ASCC1: variants seen among roughly 807,000 people sequenced by gnomAD.
ASCC1 encodes activating signal cointegrator 1 complex subunit 1, also known as ASC-1 complex subunit P50.
ASCC1 carries 35 observed loss-of-function variants against 46.6 expected under a neutral mutation model. The observed-to-expected ratio is 0.75, with a 90% CI of 0.57 to 0.99. The LOEUF (loss-of-function observed/expected upper bound fraction) is 0.99. Ranked by LOEUF, ASCC1 falls within the 50% of genes least tolerant of loss-of-function variation. The pLI, the probability that ASCC1 is intolerant of heterozygous loss-of-function variation, is 0.00. For missense variants in ASCC1, 376 were observed against 428.7 expected, an observed-to-expected ratio of 0.88 and a Z score of 1.09; for synonymous variants, 143 against 146.6, an observed-to-expected ratio of 0.98 and a Z score of 0.18.
intron 7 of ASCC1, among the ~76,000 whole-genome samples, chr10:72,150,395 T>A (rs1202300299): frequency 6.6e-6 from 1 of 152,158 alleles, no homozygotes; most frequent in African/African-American, 2.4e-5. Flanking sequence ...GCCTAGAGAA[T>A]CAGATTTTCT....
intron 5 of ASCC1, among the ~76,000 whole-genome samples, chr10:72,180,266 G>A (rs1224494876): frequency 1.3e-5 from 2 of 151,312 alleles, no homozygotes; most frequent in African/African-American, 2.4e-5. Flanking sequence ...GCAACAGAGC[G>A]AGACCCCGTC....
chr10:72,193,279 C>T (rs983076911), intron 5 of ASCC1, among the ~76,000 whole-genome samples: 1 of 152,076 alleles, frequency 6.6e-6, no homozygotes, highest in Non-Finnish European at 1.5e-5. Flanking sequence ...GTAGCATATC[C>T]ATAAAGTAGA....
intron 1 of ASCC1, among the ~76,000 whole-genome samples, chr10:72,215,406 T>C (rs1244217180): frequency 5.3e-5 from 8 of 152,002 alleles, no homozygotes; most frequent in Admixed American, 5.2e-4. Context: ...CTCAAAAAAA[T>C]AAATAAAATA....
At chr10:72,206,296 C>A (rs1004672720) in intron 3 of ASCC1, among the ~76,000 whole-genome samples, 1 of 151,728 alleles carries the variant, frequency 6.6e-6, no homozygotes, top group Non-Finnish European at 1.5e-5. Flanking sequence ...CCCAGCTACT[C>A]GGGAGGCTGA....
chr10:72,204,298 T>C, intron 3 of ASCC1: 1 of 1,072,412 alleles, frequency 9.3e-7, no homozygotes, highest in South Asian at 1.6e-5. Flanking sequence ...AATTAGAATA[T>C]CTGAGGACTC....
intron 9 of ASCC1, among the ~76,000 whole-genome samples, chr10:72,116,439 T>TTAA (rs1395336668): frequency 2.6e-5 from 4 of 152,208 alleles, no homozygotes; most frequent in African/African-American, 9.7e-5. Flanking sequence ...GAGTTCCTGT[T>TTAA]TAAAATTCAT....
intron 8 of ASCC1, among the ~76,000 whole-genome samples, chr10:72,131,355 G>C (rs1034649036): frequency 6.6e-6 from 1 of 151,896 alleles, no homozygotes; most frequent in Non-Finnish European, 1.5e-5. Context: ...GGGGGCGGAG[G>C]TTGCAGTGAG....
intron 7 of ASCC1, among the ~76,000 whole-genome samples, chr10:72,149,318 G>A (rs907121490): frequency 7.9e-5 from 12 of 151,450 alleles, no homozygotes; most frequent in Non-Finnish European, 1.5e-4. Flanking sequence ...GGTGCCTGTA[G>A]TCTCAGCTAC....
intron 6 of ASCC1, among the ~76,000 whole-genome samples, chr10:72,156,320 T>G (rs1001537131): frequency 6.6e-6 from 1 of 152,226 alleles, no homozygotes; most frequent in Admixed American, 6.5e-5. Flanking sequence ...CGAGCATGCT[T>G]CTTGCAATCC....
intron 5 of ASCC1, 100 bp downstream of exon 5, chr10:72,196,711 G>T: frequency 8.2e-7 from 1 of 1,214,448 alleles, no homozygotes; most frequent in Non-Finnish European, 1.2e-6. Flanking sequence ...TTTGGTGGGG[G>T]AAGAAGTTTA....
At chr10:72,190,267 C>A in intron 5 of ASCC1, 1 of 780,450 alleles carries the variant, frequency 1.3e-6, no homozygotes. Flanking sequence ...CTGGATGTCA[C>A]TGTGGAGTTC....
At chr10:72,205,433 C>T (rs1285285661) in intron 3 of ASCC1, among the ~76,000 whole-genome samples, 1 of 152,102 alleles carries the variant, frequency 6.6e-6, no homozygotes, top group African/African-American at 2.4e-5. Flanking sequence ...GAGATCGAGG[C>T]CAGCCTGGCC....
intron 9 of ASCC1, among the ~76,000 whole-genome samples, chr10:72,100,289 C>T (rs1054782858): frequency 6.6e-6 from 1 of 151,344 alleles, no homozygotes; most frequent in Non-Finnish European, 1.5e-5. Context: ...AGTGCAGTGG[C>T]GCGATCTCAG....
In ASCC1 at chr10:72,096,541, T is replaced by C; in HGVS notation, c.*793A>G. The C allele has an allele frequency of 2.2e-6, 1 of 454,072 alleles. No individual in the cohort carries two copies. Among genetic ancestry groups the C allele is most frequent in the Non-Finnish European group, 4.4e-6 (1 of 226,794 alleles). The allele number at this position is 454,072 out of a possible 1,614,324, so 28.1% of individuals were successfully genotyped here. On this transcript the variant is annotated 3_prime_UTR_variant, in exon 10 of 10. Coordinates refer to ENST00000672957, the MANE Select transcript of ASCC1 (RefSeq NM_001198800.3). ...CAAAGTAAAAGGCAAACAACTTTAA[T>C]GGTTATTTTGCTAAAGATAAAACTC...
intron 5 of ASCC1, among the ~76,000 whole-genome samples, chr10:72,176,678 A>T (rs1416870968): frequency 6.6e-6 from 1 of 152,060 alleles, no homozygotes; most frequent in Non-Finnish European, 1.5e-5. Flanking sequence ...AGGATATTAC[A>T]TTCAAAATCC....
At chr10:72,118,948 A>G (rs986100699) in intron 9 of ASCC1, among the ~76,000 whole-genome samples, 3 of 152,230 alleles carry the variant, frequency 2.0e-5, no homozygotes, top group Non-Finnish European at 2.9e-5. Context: ...GAAAAGCTGA[A>G]CAGACTGAAA....
At chr10:72,174,195 A>C (rs1851587436) in intron 5 of ASCC1, among the ~76,000 whole-genome samples, 1 of 152,194 alleles carries the variant, frequency 6.6e-6, no homozygotes, top group Admixed American at 6.5e-5. Flanking sequence ...CATGGAGCTT[A>C]GCCCTCTCAT....
chr10:72,210,078 A>G (rs2133479191), intron 3 of ASCC1, among the ~76,000 whole-genome samples: 1 of 152,100 alleles, frequency 6.6e-6, no homozygotes, highest in South Asian at 2.1e-4. Context: ...TGCCAAGAGT[A>G]AAAGGTCCCT....
chr10:72,161,575 A>G lies in ASCC1; in HGVS notation c.589T>C (p.Cys197Arg), dbSNP rs747794791. 1.2e-6 allele frequency: 2 copies of G among 1,614,174 alleles called. No homozygotes were observed. The highest frequency in any genetic ancestry group is 1.1e-5 in the South Asian group (1 of 91,082). ...TCTTTACACTGCTGTAGCATCTCAC[A>G]TGTCTGCTGGATCTCTTCCTCACTC... ...LLSEEEIQQT[C>R]EMLQQCKEEF... The change falls in exon 6 of 10, where the codon TGT becomes CGT. Residue 197 changes from cysteine to arginine, a missense_variant. Coordinates refer to ENST00000672957, the MANE Select transcript of ASCC1 (RefSeq NM_001198800.3).
Sources: gnomAD v4.1 joint callset for allele counts (sites outside exome capture counted in the v4.1 genomes callset) on GRCh38, gnomAD v4.1.1 for gene constraint, MANE v1.5 for transcripts, NCBI Gene and HGNC (gene_info 2026-07-23, HGNC 2026-07-21) for gene names.